Variants in MSH4 observed in about 807,000 individuals in gnomAD.
MSH4 encodes mutS protein homolog 4.
A neutral mutation model predicts 113.7 loss-of-function variants in MSH4; 106 were observed. That is an observed-to-expected ratio of 0.93 (90% CI 0.80 to 1.10). The LOEUF (loss-of-function observed/expected upper bound fraction) is 1.10, where lower values mean the gene tolerates loss of function less well. MSH4 is among the 50% of genes least tolerant of loss of function. MSH4 has a pLI of 0.00. For missense variants in MSH4, 1,061 were observed against 1,093.7 expected, an observed-to-expected ratio of 0.97 and a Z score of 0.42; for synonymous variants, 368 against 380.2, an observed-to-expected ratio of 0.97 and a Z score of 0.37.
intron 7 of MSH4, among the ~76,000 whole-genome samples, chr1:75,834,474 T>G (rs1650783474): frequency 6.6e-6 from 1 of 152,184 alleles, no homozygotes; most frequent in Non-Finnish European, 1.5e-5. Context: ...TAAAGACACA[T>G]GCACACATAT....
chr1:75,902,723 A>G (rs1210657403), intron 19 of MSH4, among the ~76,000 whole-genome samples: 3 of 43,450 alleles, frequency 6.9e-5, no homozygotes, highest in Admixed American at 2.5e-4. Flanking sequence ...ATATATATAT[A>G]TATATATATA....
chr1:75,907,685 T>TCTCTCTCTCTAC (rs879308615), intron 19 of MSH4, among the ~76,000 whole-genome samples: 2 of 60,906 alleles, frequency 3.3e-5, no homozygotes, highest in South Asian at 7.8e-4. Context: ...TCTCTCTCTC[T>TCTCTCTCTCTAC]ATACATATAT....
At chr1:75,809,823 G>T (rs1249141187) in intron 3 of MSH4, among the ~76,000 whole-genome samples, 1 of 151,772 alleles carries the variant, frequency 6.6e-6, no homozygotes, top group Non-Finnish European at 1.5e-5. Context: ...GCTAATTTTT[G>T]TATTTTTAGT....
At chr1:75,853,214 G>A (rs955139067) in intron 8 of MSH4, among the ~76,000 whole-genome samples, 11 of 151,890 alleles carry the variant, frequency 7.2e-5, no homozygotes, top group Admixed American at 4.6e-4. Flanking sequence ...ACAGGCACCC[G>A]CCACCATGCC....
At chr1:75,878,880 A>G in intron 11 of MSH4, 112 bp from the exon 12 acceptor site, 1 of 919,696 alleles carries the variant, frequency 1.1e-6, no homozygotes, top group Non-Finnish European at 1.6e-6. Context: ...CCTCCTATTT[A>G]TGTATAAAAT....
chr1:75,870,112 A>G (rs1424833804), intron 9 of MSH4, among the ~76,000 whole-genome samples: 1 of 152,184 alleles, frequency 6.6e-6, no homozygotes, highest in Admixed American at 6.5e-5. Flanking sequence ...GAGTCGAAGG[A>G]GATCATTTTG....
At chr1:75,873,218 G>C (rs1235625031) in intron 9 of MSH4, among the ~76,000 whole-genome samples, 1 of 152,100 alleles carries the variant, frequency 6.6e-6, no homozygotes, top group Non-Finnish European at 1.5e-5. Flanking sequence ...AATCTGGATT[G>C]GATGATGATT....
intron 9 of MSH4, among the ~76,000 whole-genome samples, chr1:75,869,795 G>C (rs999452906): frequency 1.3e-5 from 2 of 152,216 alleles, no homozygotes; most frequent in African/African-American, 4.8e-5. Flanking sequence ...TCAGGGACGG[G>C]ACCCTCATGG....
intron 7 of MSH4, among the ~76,000 whole-genome samples, chr1:75,826,254 A>T (rs1650549784): frequency 6.6e-6 from 1 of 152,010 alleles, no homozygotes; most frequent in Non-Finnish European, 1.5e-5. Context: ...ATTTGTGTAG[A>T]GGTGTTTATA....
intron 15 of MSH4, among the ~76,000 whole-genome samples, chr1:75,887,051 C>A (rs55993912): frequency 0.022 from 3,297 of 151,820 alleles, 126 homozygotes; most frequent in African/African-American, 0.076. Context: ...CCAAGATCAC[C>A]CAGTATAAAT....
intron 4 of MSH4, among the ~76,000 whole-genome samples, chr1:75,814,658 A>G (rs892798140): frequency 1.3e-5 from 2 of 152,188 alleles, no homozygotes; most frequent in Non-Finnish European, 2.9e-5. Flanking sequence ...ACAAAAGATT[A>G]CTAAAAGGCA....
intron 6 of MSH4, among the ~76,000 whole-genome samples, chr1:75,821,644 C>G (rs1262514063): frequency 6.6e-6 from 1 of 152,190 alleles, no homozygotes; most frequent in African/African-American, 2.4e-5. Flanking sequence ...AGATCTCACT[C>G]TGTCTCCACA....
chr1:75,902,679 A>G (rs1280486936), intron 19 of MSH4, among the ~76,000 whole-genome samples: 507 of 2,466 alleles, frequency 0.21, 13 homozygotes, highest in African/African-American at 0.43. Context: ...GTATGTATAT[A>G]TATATATATA....
chr1:75,908,471 CTCTGATAAATTTATCAGTTGCTTTT>C (rs1007016044), intron 19 of MSH4, among the ~76,000 whole-genome samples: 9 of 152,128 alleles, frequency 5.9e-5, no homozygotes, highest in Admixed American at 2.6e-4. Context: ...TATTAAATTT[CTCTGATAAATTTATCAGTTGCTTTT>C]TCTGTGCTGT....
intron 19 of MSH4, among the ~76,000 whole-genome samples, chr1:75,909,620 C>T (rs1482082228): frequency 6.6e-6 from 1 of 151,986 alleles, no homozygotes; most frequent in Non-Finnish European, 1.5e-5. Context: ...AGATATTTGT[C>T]CTAATGCTAT....
At chr1:75,842,100 G>A (rs1344927274) in intron 7 of MSH4, among the ~76,000 whole-genome samples, 1 of 152,188 alleles carries the variant, frequency 6.6e-6, no homozygotes, top group Non-Finnish European at 1.5e-5. Flanking sequence ...AAGTACAATG[G>A]TTTGGTTCAG....
At chr1:75,847,550 G>T (rs892269781) in intron 7 of MSH4, among the ~76,000 whole-genome samples, 2 of 152,118 alleles carry the variant, frequency 1.3e-5, no homozygotes, top group African/African-American at 2.4e-5. Context: ...AATACCTGAG[G>T]CTGGGTAATT....
chr1:75,869,201 A>G (rs993648341), intron 9 of MSH4, among the ~76,000 whole-genome samples: 8 of 152,156 alleles, frequency 5.3e-5, no homozygotes, highest in African/African-American at 1.9e-4. Flanking sequence ...TTGCTATGCA[A>G]AGAGACTGGC....
chr1:75,807,517 C>CA (rs2100506645), intron 3 of MSH4, among the ~76,000 whole-genome samples: 1 of 152,206 alleles, frequency 6.6e-6, no homozygotes, highest in South Asian at 2.1e-4. Flanking sequence ...CTTGAAAGAT[C>CA]AAAATCCTTA....
Sources: gnomAD v4.1 joint callset for allele counts (sites outside exome capture counted in the v4.1 genomes callset) on GRCh38, gnomAD v4.1.1 for gene constraint, MANE v1.5 for transcripts, NCBI Gene and HGNC (gene_info 2026-07-23, HGNC 2026-07-21) for gene names.